Variants in SAXO2 observed in about 807,000 individuals in gnomAD.
SAXO2 encodes family with sequence similarity 154, member B.
A neutral mutation model predicts 18.7 loss-of-function variants in SAXO2; 17 were observed. That is an observed-to-expected ratio of 0.91 (90% CI 0.62 to 1.36). SAXO2 has a LOEUF of 1.36. Ranked by LOEUF, SAXO2 falls within the 40% of genes most tolerant of loss-of-function variation. The probability of loss-of-function intolerance (pLI) is 0.00; values close to 1 mark genes in which losing one functional copy is unlikely to be tolerated. For synonymous variants in SAXO2, 163 were observed against 181.2 expected (o/e 0.90, Z 0.81); for missense variants, 486 against 562.6 (o/e 0.86, Z 1.38).
At chr15:82,281,293 C>T (rs1186253794) in intron 3 of SAXO2, among the ~76,000 whole-genome samples, 1 of 152,178 alleles carries the variant, frequency 6.6e-6, no homozygotes, top group Non-Finnish European at 1.5e-5. Flanking sequence ...TACAAGTCAT[C>T]ATTCTGCATA....
intron 3 of SAXO2, among the ~76,000 whole-genome samples, chr15:82,274,992 AT>A (rs1170430101): frequency 2.6e-5 from 4 of 151,872 alleles, no homozygotes. Flanking sequence ...CAAAAAGTTC[AT>A]TTTTTGAAAA....
At chr15:82,264,475 G>T (rs1365743181) in intron 1 of SAXO2, among the ~76,000 whole-genome samples, 1 of 151,306 alleles carries the variant, frequency 6.6e-6, no homozygotes, top group Non-Finnish European at 1.5e-5. Flanking sequence ...CATGCATAAA[G>T]ACCACCCTCA....
Position 82,283,246 on chromosome 15 carries a change from CAA to C in SAXO2, c.*185_*186del, listed in dbSNP as rs1377746446. ...AACCATTTTTTATTGATATTTTAAT[CAA>C]GATTGTTCTTTAATGTGCATTTCAG... On this transcript the variant is annotated 3_prime_UTR_variant, in exon 4 of 4. Coordinates refer to ENST00000682753, the MANE Select transcript of SAXO2 (RefSeq NM_001348699.2). 3 of 407,680 alleles carry C rather than the reference CAA, an allele frequency of 7.4e-6. No individual in the cohort carries two copies. The highest frequency in any genetic ancestry group is 1.2e-5 in the Non-Finnish European group (3 of 241,306). The allele number at this position is 407,680 out of a possible 1,614,324, so 25.3% of individuals were successfully genotyped here.
chr15:82,270,582 G>A (rs932360163), intron 2 of SAXO2, among the ~76,000 whole-genome samples: 3 of 152,040 alleles, frequency 2.0e-5, no homozygotes, highest in African/African-American at 7.2e-5. Context: ...GTTTCTTTGG[G>A]GAACTTACAG....
chr15:82,263,191 A>G, intron 1 of SAXO2: 1 of 1,453,342 alleles, frequency 6.9e-7, no homozygotes, highest in Non-Finnish European at 9.0e-7. Context: ...CGGGCCAGGT[A>G]AGTAATATAT....
rs1768640891 is a variant in SAXO2, at chr15:82,284,137, G to A, written c.*1075G>A. Reference sequence around the variant, plus strand: ...TTTTAATCCTTAAAGTACAAATGTGGAGGATTTTTTTTTAAAATTGCTCAA... The same window carrying A: ...TTTTAATCCTTAAAGTACAAATGTGAAGGATTTTTTTTTAAAATTGCTCAA... On this transcript the variant is annotated 3_prime_UTR_variant, in exon 4 of 4. Transcript: ENST00000682753. 1 of 152,060 alleles carries A rather than the reference G, an allele frequency of 6.6e-6. No homozygotes were observed. The highest frequency in any genetic ancestry group is 1.5e-5 in the Non-Finnish European group (1 of 68,026). 9.4% of individuals were successfully genotyped at this position (152,060 alleles called of 1,614,324 possible).
intron 1 of SAXO2, 23 bp from the exon 2 acceptor site, chr15:82,265,546 C>A: frequency 1.5e-6 from 2 of 1,301,988 alleles, no homozygotes; most frequent in South Asian, 2.4e-5. Context: ...TAAGGTTAAT[C>A]TTTCAGTTTA....
At chr15:82,270,558 A>T (rs575306692) in intron 2 of SAXO2, among the ~76,000 whole-genome samples, 1 of 152,336 alleles carries the variant, frequency 6.6e-6, no homozygotes, top group East Asian at 1.9e-4. Flanking sequence ...AGAAGAATTC[A>T]GTGAGGGTTT....
At chr15:82,277,327 A>T (rs879905539) in intron 3 of SAXO2, among the ~76,000 whole-genome samples, 1 of 152,224 alleles carries the variant, frequency 6.6e-6, no homozygotes, top group Non-Finnish European at 1.5e-5. Flanking sequence ...ATTAAAATTC[A>T]AAGATTGATT....
At position 82,278,019 on chromosome 15, in the gene SAXO2, GA is replaced by G. The variant is rs796677444; in HGVS notation, c.434-4090del. 7.3e-3 allele frequency among the ~76,000 whole-genome samples: 1,070 copies of G among 145,726 alleles called. 14 individuals are homozygous for G. The highest frequency in any genetic ancestry group is 0.025 in the African/African-American group (1,007 of 39,854). On this transcript the variant is annotated intron_variant, in intron 3 of 3. Coordinates refer to ENST00000682753, the MANE Select transcript of SAXO2 (RefSeq NM_001348699.2). ...GAGAAAAATGGTTGTTTTTGCAAAA[GA>G]AAAAAAAAAGCAGGAAGCTCCATTT... is the stretch of plus-strand genomic sequence containing the variant.
chr15:82,263,243 G>A lies in SAXO2; in HGVS notation c.53+311G>A, dbSNP rs371857192. 1.0e-4 allele frequency: 152 copies of A among 1,462,640 alleles called. No homozygotes were observed. In the African/African-American group the frequency reaches 2.0e-3, roughly 19 times the overall value. The allele number at this position is 1,462,640 out of a possible 1,614,324, so 90.6% of individuals were successfully genotyped here. ...ATATAACGCTGGTGAGTAGTGGGAT[G>A]TGATCCGACTGGGAGAGTGCATTTC... On this transcript the variant is annotated intron_variant, in intron 1 of 3. Coordinates refer to ENST00000682753, the MANE Select transcript of SAXO2 (RefSeq NM_001348699.2).
At chr15:82,276,729 CTG>C (rs1045494997) in intron 3 of SAXO2, among the ~76,000 whole-genome samples, 9 of 152,140 alleles carry the variant, frequency 5.9e-5, no homozygotes, top group East Asian at 3.9e-4. Flanking sequence ...AATCTGAAAA[CTG>C]TGTATCTAGT....
intron 1 of SAXO2, chr15:82,264,958 A>T (rs1178438792): frequency 1.8e-6 from 1 of 548,890 alleles, no homozygotes; most frequent in East Asian, 2.9e-5. Flanking sequence ...CCTAAATTGT[A>T]TGTGGAACCT....
intron 3 of SAXO2, among the ~76,000 whole-genome samples, chr15:82,272,285 T>C (rs1005252786): frequency 6.6e-6 from 1 of 152,226 alleles, no homozygotes; most frequent in African/African-American, 2.4e-5. Context: ...GCTTTTACAC[T>C]GATAAAGGAC....
intron 3 of SAXO2, among the ~76,000 whole-genome samples, chr15:82,278,404 C>A (rs2075334217): frequency 6.6e-6 from 1 of 152,118 alleles, no homozygotes; most frequent in Admixed American, 6.6e-5. Context: ...TTCAAATATA[C>A]AAAGCAGCAA....
intron 2 of SAXO2, among the ~76,000 whole-genome samples, chr15:82,270,281 T>G (rs1297048635): frequency 1.3e-5 from 2 of 152,044 alleles, no homozygotes; most frequent in Admixed American, 6.5e-5. Context: ...TAGAGGTAGA[T>G]GAAGCTACAT....
rs144708124 is a variant in SAXO2 at position 82,271,498 on chromosome 15, T to G, written c.234-105T>G. ...TACCATTTTAATATCTTCTCAGACT[T>G]TTCCAGTAAAAAAGAAAAAAAAGCC... On this transcript the variant is annotated intron_variant, in intron 2 of 3. Transcript: ENST00000682753. 6,379 of 952,166 alleles carry G rather than the reference T, an allele frequency of 6.7e-3. 36 individuals are homozygous for G. Among genetic ancestry groups the G allele is most frequent in the Non-Finnish European group, 8.3e-3 (5,444 of 654,470 alleles). The allele number at this position is 952,166 out of a possible 1,614,324, so 59.0% of individuals were successfully genotyped here. A position where few individuals can be genotyped will look rare whatever the true frequency, so the allele number is the denominator to read the frequency against.
rs76375505 is a variant in SAXO2 at position 82,282,120 on chromosome 15, C to T, written c.435C>T (p.Asp145=). ...GKLDTVPTYK[D]DYRAWDLHKS... ...TTTTGCTTTGTTTTAATTTTCAAGACGATTATAGAGCTTGGGACCTTCATA... is the reference window on the plus strand; with the variant it reads ...TTTTGCTTTGTTTTAATTTTCAAGATGATTATAGAGCTTGGGACCTTCATA... Residue 145 remains aspartate, a splice_region_variant and synonymous_variant, in exon 4 of 4, where the codon GAC becomes GAT. Coordinates refer to ENST00000682753, the MANE Select transcript of SAXO2 (RefSeq NM_001348699.2). 0.023 allele frequency: 36,419 copies of T among 1,582,270 alleles called. 562 individuals carry two copies. Among genetic ancestry groups the T allele is most frequent in the Middle Eastern group, 0.096 (567 of 5,880 alleles).
At chr15:82,270,904 T>C (rs2075265395) in intron 2 of SAXO2, among the ~76,000 whole-genome samples, 1 of 152,228 alleles carries the variant, frequency 6.6e-6, no homozygotes, top group Admixed American at 6.5e-5. Context: ...CTAGGTGGCC[T>C]GATCAGTCTA....
Sources: gnomAD v4.1 joint callset for allele counts (sites outside exome capture counted in the v4.1 genomes callset) on GRCh38, gnomAD v4.1.1 for gene constraint, MANE v1.5 for transcripts, NCBI Gene and HGNC (gene_info 2026-07-23, HGNC 2026-07-21) for gene names.